The following ATP10B variants were observed in gnomAD, a reference collection of about 807,000 sequenced individuals.
ATP10B encodes ATPase phospholipid transporting 10B (putative), also known as phospholipid-transporting ATPase VB.
A neutral mutation model predicts 141.2 loss-of-function variants in ATP10B; 122 were observed. That is an observed-to-expected ratio of 0.86 (90% CI 0.75 to 1.00). The LOEUF is 1.00. ATP10B is among the 50% of genes least tolerant of loss of function. The pLI is 0.00. For missense variants in ATP10B, 1,876 were observed against 1,825.3 expected (o/e 1.03, Z -0.51); for synonymous variants, 685 against 692.0 (o/e 0.99, Z 0.16).
chr5:160,570,349 T>C (rs1250114332), intron 24 of ATP10B, among the ~76,000 whole-genome samples: 1 of 152,200 alleles, frequency 6.6e-6, no homozygotes, highest in Non-Finnish European at 1.5e-5. Context: ...CACAATCGGC[T>C]AATGTTAACT....
intron 1 of ATP10B, among the ~76,000 whole-genome samples, chr5:160,813,303 A>G (rs1184323273): frequency 6.6e-6 from 1 of 152,204 alleles, no homozygotes; most frequent in Non-Finnish European, 1.5e-5. Context: ...CGCTTTTCCA[A>G]TGGTCTTAGC....
At chr5:160,755,839 ATATAT>A (rs1357555149) in intron 2 of ATP10B, among the ~76,000 whole-genome samples, 136 of 31,256 alleles carry the variant, frequency 4.4e-3, no homozygotes, top group Non-Finnish European at 5.7e-3. Context: ...AAAAAAAAAA[ATATAT>A]ATATATATAT....
intron 8 of ATP10B, 80 bp from the exon 9 acceptor site, chr5:160,644,324 G>C (rs1760112958): frequency 1.0e-6 from 1 of 960,764 alleles, no homozygotes; most frequent in Non-Finnish European, 1.7e-6. Flanking sequence ...AGAACTAGAA[G>C]TGGTGAGTGA....
At chr5:160,832,142 T>G (rs1775125117) in intron 1 of ATP10B, among the ~76,000 whole-genome samples, 1 of 152,136 alleles carries the variant, frequency 6.6e-6, no homozygotes, top group Non-Finnish European at 1.5e-5. Context: ...CAGAGCAGTA[T>G]GAGATCACAT....
chr5:160,604,778 G>T (rs995433449), intron 19 of ATP10B, among the ~76,000 whole-genome samples: 2 of 152,144 alleles, frequency 1.3e-5, no homozygotes, highest in Non-Finnish European at 2.9e-5. Flanking sequence ...TTTCCATGAT[G>T]AGGGAAACGT....
At position 160,771,581 on chromosome 5, in the gene ATP10B, T is replaced by C. The variant is rs186929673; in HGVS notation, c.-331+13978A>G. The stretch of plus-strand genomic sequence containing the variant: ...CGTGATATTTTGATGTACATAGGTA[T>C]AGTGAGATGCTTACTATAGTCAAGC... On this transcript the variant is annotated intron_variant, in intron 2 of 25. Transcript: ENST00000327245. 1.1e-3 allele frequency among the ~76,000 whole-genome samples: 163 copies of C among 152,348 alleles called. 2 individuals carry two copies. The highest frequency in any genetic ancestry group is 3.9e-3 in the Admixed American group (59 of 15,302).
rs753691188 is a variant in ATP10B at position 160,564,898 on chromosome 5, T to G, written c.*555A>C. The G allele has an allele frequency of 2.0e-5, 3 of 152,976 alleles. No homozygotes were observed. The highest frequency in any genetic ancestry group is 4.4e-5 in the Non-Finnish European group (3 of 68,682). 9.5% of individuals were successfully genotyped at this position (152,976 alleles called of 1,614,324 possible). A position where few individuals can be genotyped will look rare whatever the true frequency, so the allele number is the denominator to read the frequency against. On this transcript the variant is annotated 3_prime_UTR_variant, in exon 26 of 26. Transcript: ENST00000327245. ...AGTAGTAGCTTTTTAGATGTGGCTTTTCTTTGGCTTACAGGCAAAAAGCAG... is the reference window on the plus strand; with the variant it reads ...AGTAGTAGCTTTTTAGATGTGGCTTGTCTTTGGCTTACAGGCAAAAAGCAG...
rs1352232028 is a variant in ATP10B at position 160,667,078 on chromosome 5, C to T, written c.675+3385G>A. 3.3e-5 allele frequency among the ~76,000 whole-genome samples: 5 copies of T among 152,018 alleles called. No homozygotes were observed. The South Asian group carries it at 8.3e-4, about 25-fold the overall frequency. Reference sequence around the variant, plus strand: ...CTAAAAATACAAAAAATTAGCCGGGCGTGGTGGCCGGCACCTGTAGTCCCA... The same window carrying T: ...CTAAAAATACAAAAAATTAGCCGGGTGTGGTGGCCGGCACCTGTAGTCCCA... On this transcript the variant is annotated intron_variant, in intron 7 of 25. Transcript: ENST00000327245.
Position 160,610,505 on chromosome 5 carries a change from C to T in ATP10B, c.2838+2236G>A, listed in dbSNP as rs75536267. Reference sequence around the variant, plus strand: ...CTCCTGAACTTGTAATCCACAGAAACCATAAGATAATAAATGTCTGTTGTT... The same window carrying T: ...CTCCTGAACTTGTAATCCACAGAAATCATAAGATAATAAATGTCTGTTGTT... On this transcript the variant is annotated intron_variant, in intron 18 of 25. Coordinates refer to ENST00000327245, the MANE Select transcript of ATP10B (RefSeq NM_025153.3). Among the ~76,000 whole-genome samples the T allele has an allele frequency of 2.2e-4, 33 of 152,230 alleles. No individual in the cohort carries two copies. In the East Asian group the frequency reaches 6.2e-3, roughly 28 times the overall value.
intron 2 of ATP10B, among the ~76,000 whole-genome samples, chr5:160,739,296 A>G (rs1300241150): frequency 5.3e-5 from 8 of 152,184 alleles, no homozygotes; most frequent in Non-Finnish European, 7.4e-5. Context: ...TACTCTCGGA[A>G]TTTTTATTCA....
intron 7 of ATP10B, among the ~76,000 whole-genome samples, chr5:160,669,403 G>A (rs756359845): frequency 1.3e-5 from 2 of 152,128 alleles, no homozygotes; most frequent in Non-Finnish European, 2.9e-5. Flanking sequence ...ACGGTAACTT[G>A]CCCAAGGTGA....
intron 1 of ATP10B, among the ~76,000 whole-genome samples, chr5:160,816,701 A>G (rs1035294847): frequency 2.6e-5 from 4 of 152,196 alleles, no homozygotes; most frequent in Non-Finnish European, 5.9e-5. Context: ...CACAAGAAAA[A>G]AAGAGAATTT....
the ATP10B span, among the ~76,000 whole-genome samples, chr5:160,864,403 A>G: frequency 1.3e-5 from 2 of 152,062 alleles, no homozygotes; most frequent in Admixed American, 1.3e-4. Context: ...AAAACCCTCA[A>G]CATAATTGGC....
chr5:160,909,202 G>C, the ATP10B span, among the ~76,000 whole-genome samples: 3 of 152,168 alleles, frequency 2.0e-5, no homozygotes, highest in Non-Finnish European at 2.9e-5. Flanking sequence ...TATGAGGAAG[G>C]ATGCTCTTTT....
the ATP10B span, among the ~76,000 whole-genome samples, chr5:160,893,151 GT>G: frequency 7.9e-5 from 12 of 151,596 alleles, no homozygotes; most frequent in East Asian, 3.9e-4. Flanking sequence ...AGCTGCAGGA[GT>G]TTTTTTTTCA....
At chr5:160,890,859 G>T in the ATP10B span, among the ~76,000 whole-genome samples, 1 of 152,288 alleles carries the variant, frequency 6.6e-6, no homozygotes, top group African/African-American at 2.4e-5. Context: ...ACAGGCATAT[G>T]CTGCCATGCC....
At chr5:160,644,033 T>C (rs964643203) in intron 9 of ATP10B, 105 bp downstream of exon 9, 4 of 908,680 alleles carry the variant, frequency 4.4e-6, no homozygotes, top group Non-Finnish European at 5.4e-6. Flanking sequence ...CATGAGTAAA[T>C]GGGAAGTTAC....
intron 24 of ATP10B, among the ~76,000 whole-genome samples, chr5:160,570,714 C>T (rs1050611917): frequency 8.5e-5 from 13 of 152,210 alleles, no homozygotes; most frequent in South Asian, 2.1e-4. Context: ...TCACTTCTCA[C>T]GCCTCCATTC....
intron 7 of ATP10B, among the ~76,000 whole-genome samples, chr5:160,655,576 G>A (rs77422836): frequency 7.9e-4 from 121 of 152,262 alleles, no homozygotes; most frequent in African/African-American, 2.8e-3. Context: ...GATGGGTGAG[G>A]AGATGCAAAG....
Sources: allele counts gnomAD v4.1 joint callset (sites outside exome capture counted in the v4.1 genomes callset), GRCh38; gene constraint gnomAD v4.1.1; transcripts MANE v1.5; gene names NCBI Gene and HGNC (gene_info 2026-07-23, HGNC 2026-07-21).